Variants in SLC24A2 observed in about 807,000 individuals in gnomAD.
SLC24A2 encodes the protein solute carrier family 24 member 2.
SLC24A2 carries 36 observed loss-of-function variants against 62.0 expected under a neutral mutation model. The ratio of observed to expected loss-of-function variants is 0.58; its 90% CI spans 0.44 to 0.77. The LOEUF (loss-of-function observed/expected upper bound fraction) is 0.77. Ranked by LOEUF, SLC24A2 falls within the 30% of genes least tolerant of loss-of-function variation. The pLI is 0.00. For synonymous variants in SLC24A2, 358 were observed against 294.0 expected (o/e 1.22, Z -2.23); for missense variants, 846 against 817.9 (o/e 1.03, Z -0.42).
At chr9:19,974,504 T>C in the SLC24A2 span, among the ~76,000 whole-genome samples, 5 of 152,206 alleles carry the variant, frequency 3.3e-5, no homozygotes, top group Non-Finnish European at 7.4e-5. Flanking sequence ...CATTTCAATA[T>C]TCTTTCCTGA....
chr9:19,905,274 C>T, the SLC24A2 span, among the ~76,000 whole-genome samples: 1 of 152,212 alleles, frequency 6.6e-6, no homozygotes, highest in Non-Finnish European at 1.5e-5. Flanking sequence ...GCATAACCTC[C>T]TTCAGCTCCC....
the SLC24A2 span, among the ~76,000 whole-genome samples, chr9:20,089,765 C>T: frequency 4.9e-5 from 7 of 143,392 alleles, no homozygotes; most frequent in African/African-American, 1.3e-4. Flanking sequence ...CCTATGCTTA[C>T]GGCACCCCAC....
At chr9:20,136,382 C>T in the SLC24A2 span, among the ~76,000 whole-genome samples, 1 of 152,022 alleles carries the variant, frequency 6.6e-6, no homozygotes, top group African/African-American at 2.4e-5. Flanking sequence ...GGAACATGCC[C>T]AGAAGAAAGA....
At chr9:20,090,938 A>G in the SLC24A2 span, among the ~76,000 whole-genome samples, 3 of 152,222 alleles carry the variant, frequency 2.0e-5, no homozygotes, top group African/African-American at 4.8e-5. Context: ...GCAAAACCCA[A>G]TCCAAGGAAA....
the SLC24A2 span, among the ~76,000 whole-genome samples, chr9:20,289,431 A>G: frequency 9.2e-5 from 14 of 152,294 alleles, no homozygotes; most frequent in African/African-American, 3.4e-4. Flanking sequence ...GGGTTACCGG[A>G]GTTATTAAGA....
At chr9:19,962,340 G>A in the SLC24A2 span, among the ~76,000 whole-genome samples, 91 of 152,250 alleles carry the variant, frequency 6.0e-4, no homozygotes, top group Admixed American at 5.4e-3. Flanking sequence ...TTGACTTGGC[G>A]ATGCGGGCTC....
At chr9:20,171,888 C>T in the SLC24A2 span, among the ~76,000 whole-genome samples, 4 of 151,986 alleles carry the variant, frequency 2.6e-5, no homozygotes, top group Admixed American at 6.6e-5. Context: ...ACAGAACATT[C>T]TACCCAACAA....
the SLC24A2 span, among the ~76,000 whole-genome samples, chr9:19,908,668 A>G: frequency 6.6e-6 from 1 of 152,198 alleles, no homozygotes; most frequent in Non-Finnish European, 1.5e-5. Flanking sequence ...AAAAGTGGGC[A>G]AAGGATATGA....
upstream of SLC24A2, among the ~76,000 whole-genome samples, chr9:19,792,830 C>CT (rs997214319): frequency 4.6e-5 from 7 of 152,132 alleles, no homozygotes; most frequent in African/African-American, 1.7e-4. Context: ...CATATACAAC[C>CT]TTTTTTCTGA....
At chr9:19,720,642 G>A (rs1651085017) in intron 2 of SLC24A2, among the ~76,000 whole-genome samples, 1 of 150,768 alleles carries the variant, frequency 6.6e-6, no homozygotes, top group African/African-American at 2.4e-5. Flanking sequence ...CTGTGGTATG[G>A]AAATACTTTA....
chr9:19,850,994 T>TAC, the SLC24A2 span, among the ~76,000 whole-genome samples: 1 of 48,354 alleles, frequency 2.1e-5, no homozygotes, highest in African/African-American at 7.0e-5. Flanking sequence ...TGTATATATA[T>TAC]ATATATACAC....
chr9:20,102,167 C>G, the SLC24A2 span, among the ~76,000 whole-genome samples: 4 of 152,142 alleles, frequency 2.6e-5, no homozygotes, highest in Admixed American at 1.3e-4. Flanking sequence ...AACCTACCTT[C>G]TGTAGATTGA....
the SLC24A2 span, among the ~76,000 whole-genome samples, chr9:20,151,670 T>G: frequency 6.6e-6 from 1 of 151,884 alleles, no homozygotes; most frequent in Non-Finnish European, 1.5e-5. Context: ...TCTTTCTCTA[T>G]GTTCATAAAT....
the SLC24A2 span, among the ~76,000 whole-genome samples, chr9:19,795,038 C>T: frequency 6.6e-6 from 1 of 152,264 alleles, no homozygotes; most frequent in Admixed American, 6.5e-5. Context: ...AAGGAAGGTG[C>T]TGCTGTGTCT....
At chr9:20,097,720 A>ATTTTTTTTTTTTTTTTTTTTTTT in the SLC24A2 span, among the ~76,000 whole-genome samples, 1 of 69,052 alleles carries the variant, frequency 1.4e-5, no homozygotes, top group Admixed American at 2.1e-4. Context: ...ATCTTAAATA[A>ATTTTTTTTTTTTTTTTTTTTTTT]TTTTTTTTTT....
intron 2 of SLC24A2, among the ~76,000 whole-genome samples, chr9:19,673,751 T>G (rs1819486874): frequency 6.6e-6 from 1 of 152,102 alleles, no homozygotes; most frequent in African/African-American, 2.4e-5. Flanking sequence ...CGCCCAGACG[T>G]GAGTTCTTAT....
At chr9:19,813,600 T>A in the SLC24A2 span, among the ~76,000 whole-genome samples, 1 of 152,094 alleles carries the variant, frequency 6.6e-6, no homozygotes, top group Non-Finnish European at 1.5e-5. Context: ...ATTACAGGTA[T>A]GAACCACCAC....
chr9:20,077,699 TAGA>T, the SLC24A2 span, among the ~76,000 whole-genome samples: 1 of 152,214 alleles, frequency 6.6e-6, no homozygotes, highest in Non-Finnish European at 1.5e-5. Context: ...CTTAAGAATT[TAGA>T]AGAAGAAACC....
chr9:19,812,322 G>GTAT, the SLC24A2 span, among the ~76,000 whole-genome samples: 3 of 151,512 alleles, frequency 2.0e-5, no homozygotes, highest in Non-Finnish European at 2.9e-5. Flanking sequence ...GTTAAACTTT[G>GTAT]TATTATGTGT....
Sources: gnomAD v4.1 joint callset for allele counts (sites outside exome capture counted in the v4.1 genomes callset) on GRCh38, gnomAD v4.1.1 for gene constraint, MANE v1.5 for transcripts, NCBI Gene and HGNC (gene_info 2026-07-23, HGNC 2026-07-21) for gene names.